The following KAZN variants were observed in gnomAD, a reference collection of about 807,000 sequenced individuals.
KAZN encodes kazrin.
In KAZN, 40 loss-of-function variants were observed where a neutral mutation model predicts 87.4. That is an observed-to-expected ratio of 0.46 (90% confidence interval 0.36 to 0.60). The LOEUF (loss-of-function observed/expected upper bound fraction) is 0.60, where lower values mean the gene tolerates loss of function less well. KAZN is among the 20% of genes least tolerant of loss of function. KAZN has a pLI of 0.00. For missense variants in KAZN, 898 were observed against 1,073.9 expected, an observed-to-expected ratio of 0.84 and a Z score of 2.29; for synonymous variants, 466 against 458.3, an observed-to-expected ratio of 1.02 and a Z score of -0.22.
At chr1:13,953,305 C>T (rs751661286) in intron 1 of KAZN, among the ~76,000 whole-genome samples, 32 of 152,110 alleles carry the variant, frequency 2.1e-4, no homozygotes, top group Non-Finnish European at 2.9e-4. Context: ...CTTTTTGGCC[C>T]GTGGAGTACT....
intron 1 of KAZN, among the ~76,000 whole-genome samples, chr1:14,177,180 C>T (rs911811839): frequency 6.6e-6 from 1 of 152,114 alleles, no homozygotes; most frequent in Non-Finnish European, 1.5e-5. Flanking sequence ...AATATGCTTA[C>T]ATTGGCACCT....
At chr1:14,947,128 T>C (rs997609426) in intron 1 of KAZN, among the ~76,000 whole-genome samples, 4 of 152,228 alleles carry the variant, frequency 2.6e-5, no homozygotes, top group Admixed American at 1.3e-4. Flanking sequence ...TCCCGGCCGT[T>C]GTAAGGCCGT....
chr1:14,239,392 A>G (rs1648717193), intron 2 of KAZN, among the ~76,000 whole-genome samples: 1 of 151,898 alleles, frequency 6.6e-6, no homozygotes, highest in East Asian at 1.9e-4. Flanking sequence ...TAAAGAGGAA[A>G]CTAAAGAGTT....
chr1:14,535,683 TA>T (rs1044795360), intron 2 of KAZN, among the ~76,000 whole-genome samples: 1 of 151,044 alleles, frequency 6.6e-6, no homozygotes, highest in Non-Finnish European at 1.5e-5. Context: ...AAAATAAAAA[TA>T]AAAAATAAAT....
intron 1 of KAZN, among the ~76,000 whole-genome samples, chr1:14,802,816 T>C (rs1036520356): frequency 7.2e-5 from 11 of 152,098 alleles, no homozygotes; most frequent in Middle Eastern, 3.2e-3. Flanking sequence ...GAGCACTCGG[T>C]GATGGAGCCT....
intron 1 of KAZN, among the ~76,000 whole-genome samples, chr1:14,172,976 G>A (rs1316981265): frequency 1.3e-5 from 2 of 152,160 alleles, no homozygotes; most frequent in Non-Finnish European, 2.9e-5. Context: ...CCCAGAAGGA[G>A]CATTCCAGGA....
At chr1:14,639,836 A>T (rs535177136) in intron 1 of KAZN, among the ~76,000 whole-genome samples, 34 of 152,276 alleles carry the variant, frequency 2.2e-4, no homozygotes, top group Admixed American at 2.1e-3. Flanking sequence ...TGTGGCCACC[A>T]GCTGCTGCCT....
At chr1:13,987,006 C>T (rs1557765250) in intron 1 of KAZN, among the ~76,000 whole-genome samples, 2 of 151,486 alleles carry the variant, frequency 1.3e-5, no homozygotes, top group East Asian at 1.9e-4. Context: ...AATTCTTCCC[C>T]CTAATGCTGT....
chr1:14,695,199 C>A (rs1641527838), intron 1 of KAZN, among the ~76,000 whole-genome samples: 1 of 152,098 alleles, frequency 6.6e-6, no homozygotes, highest in South Asian at 2.1e-4. Flanking sequence ...AATAAGTGAG[C>A]AATCAATCGA....
intron 1 of KAZN, among the ~76,000 whole-genome samples, chr1:14,709,006 T>C (rs1642354929): frequency 6.6e-6 from 1 of 152,186 alleles, no homozygotes; most frequent in South Asian, 2.1e-4. Flanking sequence ...GCATGGTACC[T>C]GTTGGATGAT....
chr1:14,739,228 C>A (rs1644011783), intron 1 of KAZN, among the ~76,000 whole-genome samples: 1 of 152,110 alleles, frequency 6.6e-6, no homozygotes, highest in African/African-American at 2.4e-5. Context: ...AAGCCATGTT[C>A]TTTTTAATCG....
At chr1:14,546,337 CT>C (rs1265116130) in intron 2 of KAZN, among the ~76,000 whole-genome samples, 2 of 152,208 alleles carry the variant, frequency 1.3e-5, no homozygotes, top group African/African-American at 2.4e-5. Flanking sequence ...AAACAAATTT[CT>C]CTCTTTTTCT....
chr1:14,835,199 G>GT (rs1647192694), intron 1 of KAZN, among the ~76,000 whole-genome samples: 2 of 152,180 alleles, frequency 1.3e-5, no homozygotes, highest in Admixed American at 1.3e-4. Context: ...ACCTGTCTTT[G>GT]TATCTGCTTT....
chr1:14,386,074 T>C (rs1661856605), intron 2 of KAZN, among the ~76,000 whole-genome samples: 1 of 151,206 alleles, frequency 6.6e-6, no homozygotes, highest in South Asian at 2.1e-4. Flanking sequence ...GTAATGGCCT[T>C]CTTTGTCTCT....
intron 1 of KAZN, among the ~76,000 whole-genome samples, chr1:14,689,993 G>A (rs915130188): frequency 3.3e-5 from 5 of 152,146 alleles, no homozygotes; most frequent in African/African-American, 7.2e-5. Flanking sequence ...AATCAGTCAC[G>A]GGATAAGCTG....
intron 1 of KAZN, among the ~76,000 whole-genome samples, chr1:14,621,947 C>T (rs1389089037): frequency 2.0e-5 from 3 of 152,134 alleles, no homozygotes; most frequent in Non-Finnish European, 4.4e-5. Flanking sequence ...CCTAAGAAAC[C>T]TTACAAAGCC....
At chr1:14,035,611 A>AGGCATGAGT (rs59023422) in intron 1 of KAZN, among the ~76,000 whole-genome samples, 83,075 of 150,052 alleles carry the variant, frequency 0.55, 23,332 homozygotes, top group East Asian at 0.7. Flanking sequence ...CTGGGACTAC[A>AGGCATGAGT]GGCATGAGTC....
At chr1:14,636,919 G>T (rs1680033530) in intron 1 of KAZN, among the ~76,000 whole-genome samples, 1 of 152,200 alleles carries the variant, frequency 6.6e-6, no homozygotes. Flanking sequence ...AAGCTGATGT[G>T]TTGGAGGGGA....
chr1:14,922,707 G>A (rs1166907632), intron 1 of KAZN, among the ~76,000 whole-genome samples: 6 of 149,734 alleles, frequency 4.0e-5, no homozygotes, highest in African/African-American at 9.9e-5. Context: ...CAGGAGAATC[G>A]CTTGAACCCG....
Sources: allele counts gnomAD v4.1 joint callset (sites outside exome capture counted in the v4.1 genomes callset), GRCh38; gene constraint gnomAD v4.1.1; transcripts MANE v1.5; gene names NCBI Gene and HGNC (gene_info 2026-07-23, HGNC 2026-07-21).